TMTC2: variants seen among roughly 807,000 people sequenced by gnomAD.
TMTC2 encodes protein O-mannosyl-transferase TMTC2.
TMTC2 carries 43 observed loss-of-function variants against 82.4 expected under a neutral mutation model. The ratio of observed to expected loss-of-function variants is 0.52; its 90% CI spans 0.41 to 0.67. The LOEUF (loss-of-function observed/expected upper bound fraction) is 0.67. TMTC2 is among the 30% of genes least tolerant of loss of function. The probability of loss-of-function intolerance (pLI) is 0.00; values close to 1 mark genes in which losing one functional copy is unlikely to be tolerated. For synonymous variants in TMTC2, 408 were observed against 381.9 expected (o/e 1.07, Z -0.80); for missense variants, 919 against 1,012.4 (o/e 0.91, Z 1.25).
chr12:82,865,250 T>G (rs1871786015), intron 2 of TMTC2, among the ~76,000 whole-genome samples: 1 of 151,978 alleles, frequency 6.6e-6, no homozygotes, highest in South Asian at 2.1e-4. Context: ...ATCACTGTGC[T>G]GTATTCAGGA....
At chr12:82,854,826 A>C (rs17010061) in intron 1 of TMTC2, among the ~76,000 whole-genome samples, 5,672 of 152,272 alleles carry the variant, frequency 0.037, 233 homozygotes, top group African/African-American at 0.1. Context: ...GGTATTTGGC[A>C]CATTGTATAT....
At chr12:82,730,287 T>A (rs1455516293) in intron 1 of TMTC2, among the ~76,000 whole-genome samples, 2 of 97,310 alleles carry the variant, frequency 2.1e-5, no homozygotes, top group African/African-American at 4.3e-5. Context: ...AGAGCAAAAC[T>A]CTGTCTCTCA....
At chr12:82,997,815 G>A (rs1438168428) in intron 8 of TMTC2, among the ~76,000 whole-genome samples, 2 of 151,808 alleles carry the variant, frequency 1.3e-5, no homozygotes, top group Non-Finnish European at 2.9e-5. Flanking sequence ...TGTGAGGAAA[G>A]ATACATACTA....
chr12:82,698,513 G>T (rs1262451428), intron 1 of TMTC2, among the ~76,000 whole-genome samples: 1 of 152,116 alleles, frequency 6.6e-6, no homozygotes, highest in Non-Finnish European at 1.5e-5. Context: ...GAATGACTTG[G>T]TTGATCACTG....
At chr12:82,689,448 A>G (rs1038834416) in intron 1 of TMTC2, among the ~76,000 whole-genome samples, 6 of 152,252 alleles carry the variant, frequency 3.9e-5, no homozygotes. Flanking sequence ...TTATTTAAAA[A>G]AAGAAACTTA....
intron 8 of TMTC2, among the ~76,000 whole-genome samples, chr12:83,005,049 C>A (rs12830800): frequency 1.2e-4 from 4 of 33,596 alleles, no homozygotes; most frequent in South Asian, 4.5e-3. Flanking sequence ...ACTAAAAATA[C>A]AAAAATTAGC....
At position 82,737,884 on chromosome 12, in the gene TMTC2, C is replaced by T. The variant is rs372969342; in HGVS notation, c.83+50215C>T. Among the ~76,000 whole-genome samples the T allele has an allele frequency of 2.0e-5, 3 of 152,214 alleles. No homozygotes were observed. The South Asian group carries it at 6.2e-4, about 32-fold the overall frequency. ...TACCAGTGCCCAAAGGGAGACAGTT[C>T]CCTGATGTTATTCTTCCAAGGACCA... On this transcript the variant is annotated intron_variant, in intron 1 of 11. Coordinates refer to ENST00000321196, the MANE Select transcript of TMTC2 (RefSeq NM_152588.3).
intron 3 of TMTC2, among the ~76,000 whole-genome samples, chr12:82,921,837 C>T (rs1483492003): frequency 1.3e-5 from 2 of 151,920 alleles, no homozygotes; most frequent in African/African-American, 4.8e-5. Flanking sequence ...GTGACTCATT[C>T]CTGTAATCCC....
At chr12:82,782,944 C>T (rs1877981493) in intron 1 of TMTC2, among the ~76,000 whole-genome samples, 1 of 152,040 alleles carries the variant, frequency 6.6e-6, no homozygotes, top group Non-Finnish European at 1.5e-5. Flanking sequence ...AGGGAAATGC[C>T]TTCATTTAGT....
chr12:82,941,806 C>G (rs1267033641), intron 4 of TMTC2, among the ~76,000 whole-genome samples: 1 of 152,186 alleles, frequency 6.6e-6, no homozygotes, highest in Non-Finnish European at 1.5e-5. Flanking sequence ...GTTGCCCAGG[C>G]TGGAGTGCAG....
intron 1 of TMTC2, among the ~76,000 whole-genome samples, chr12:82,750,129 A>G (rs972839071): frequency 8.5e-5 from 13 of 152,262 alleles, no homozygotes; most frequent in African/African-American, 2.2e-4. Flanking sequence ...TATTTCTGTG[A>G]TGGCTCACTA....
At chr12:82,933,792 T>C (rs183076233) in intron 4 of TMTC2, among the ~76,000 whole-genome samples, 63 of 152,158 alleles carry the variant, frequency 4.1e-4, no homozygotes, top group African/African-American at 1.5e-3. Context: ...TTGTTATAGG[T>C]AAAGACAGAG....
At chr12:82,688,784 G>A (rs1458965944) in intron 1 of TMTC2, among the ~76,000 whole-genome samples, 1 of 152,160 alleles carries the variant, frequency 6.6e-6, no homozygotes, top group Non-Finnish European at 1.5e-5. Flanking sequence ...CCAGGGTTAG[G>A]GCGAGGCAGT....
chr12:82,839,815 A>G (rs7979960), intron 1 of TMTC2, among the ~76,000 whole-genome samples: 38,155 of 152,100 alleles, frequency 0.25, 11,398 homozygotes, highest in African/African-American at 0.72. Flanking sequence ...TAAGTCCTGT[A>G]ACTTCTTTTT....
chr12:82,871,681 CTGTGTGTGTGTGTGTGTG>C (rs10662218), intron 2 of TMTC2, among the ~76,000 whole-genome samples: 2 of 142,102 alleles, frequency 1.4e-5, no homozygotes, highest in Non-Finnish European at 3.1e-5. Context: ...CTCTGCTCAT[CTGTGTGTGTGTGTGTGTG>C]TGTGTGTGTG....
At chr12:82,926,636 C>T (rs1167763774) in intron 3 of TMTC2, among the ~76,000 whole-genome samples, 1 of 152,174 alleles carries the variant, frequency 6.6e-6, no homozygotes, top group Non-Finnish European at 1.5e-5. Flanking sequence ...CCATATAAGA[C>T]TTTCAAAGCT....
chr12:82,896,423 A>G lies in TMTC2; in HGVS notation c.1260A>G (p.Ala420=), dbSNP rs745952646. 6.2e-7 allele frequency: 1 copy of G among 1,614,176 alleles called. No homozygotes were observed. Among genetic ancestry groups the G allele is most frequent in the South Asian group, 1.1e-5 (1 of 91,084 alleles). The change falls in exon 3 of 12, where the codon GCA becomes GCG. Residue 420 remains alanine (A), a synonymous_variant. Transcript: ENST00000321196. ...NLFFYVGFVI[A]ERVLYIPSMG... The stretch of plus-strand genomic sequence containing the variant: ...TTTTCTATGTCGGCTTTGTAATTGC[A>G]GAGCGAGTATTATATATTCCTAGTA...
At chr12:83,048,290 TA>T (rs1882217316) in intron 9 of TMTC2, among the ~76,000 whole-genome samples, 1 of 152,298 alleles carries the variant, frequency 6.6e-6, no homozygotes, top group South Asian at 2.1e-4. Context: ...TACTGTTATA[TA>T]AAAAAGCACC....
At chr12:82,965,139 A>G (rs1878133259) in intron 5 of TMTC2, 30 bp downstream of exon 5, 3 of 1,507,480 alleles carry the variant, frequency 2.0e-6, no homozygotes, top group Non-Finnish European at 2.7e-6. Context: ...TTATTTTTTT[A>G]TACCTCTTTC....
Sources: allele counts gnomAD v4.1 joint callset (sites outside exome capture counted in the v4.1 genomes callset), GRCh38; gene constraint gnomAD v4.1.1; transcripts MANE v1.5; gene names NCBI Gene and HGNC (gene_info 2026-07-23, HGNC 2026-07-21).